The following STRBP variants were observed in gnomAD, a reference collection of about 807,000 sequenced individuals.
STRBP encodes the protein spermatid perinuclear RNA binding protein.
STRBP carries 13 observed loss-of-function variants against 80.1 expected under a neutral mutation model. The ratio of observed to expected loss-of-function variants is 0.16; its 90% CI spans 0.11 to 0.26. STRBP has a LOEUF of 0.26. STRBP is among the 10% of genes least tolerant of loss of function. The pLI, the probability that STRBP is intolerant of heterozygous loss-of-function variation, is 1.00. For missense variants in STRBP, 485 were observed against 815.2 expected (o/e 0.59, Z 4.93); for synonymous variants, 284 against 291.2 (o/e 0.98, Z 0.25).
chr9:123,161,367 T>C (rs2037515588), intron 6 of STRBP, among the ~76,000 whole-genome samples: 1 of 152,232 alleles, frequency 6.6e-6, no homozygotes, highest in African/African-American at 2.4e-5. Flanking sequence ...ATTAAGCATC[T>C]ATAACATTAC....
In STRBP at chr9:123,166,352, A is replaced by C. The variant is rs2037758004; in HGVS notation, c.535+3550T>G. Among the ~76,000 whole-genome samples the C allele has an allele frequency of 2.0e-5, 3 of 152,202 alleles. No homozygotes were observed. In the South Asian group the frequency reaches 6.2e-4, roughly 31 times the overall value. On this transcript the variant is annotated intron_variant, in intron 6 of 18. Coordinates refer to ENST00000348403, the MANE Select transcript of STRBP (RefSeq NM_018387.5). ...AACTACTTTGTGCCAGTTATTGTAC[A>C]AGTCACATTACATAAATTCTCTCAC... is the stretch of plus-strand genomic sequence containing the variant.
chr9:123,137,739 A>G (rs2036421733), intron 14 of STRBP, among the ~76,000 whole-genome samples: 2 of 152,156 alleles, frequency 1.3e-5, no homozygotes, highest in South Asian at 4.1e-4. Flanking sequence ...TATAAACCTA[A>G]TGAAAATCAA....
chr9:123,136,258 C>T lies in STRBP; in HGVS notation c.1633-77G>A, dbSNP rs2036349441. ...CTTTTAATTTAAATAGATTATGACA[C>T]AGAAAACACCAAAAATCAAATAGTG... On this transcript the variant is annotated intron_variant, in intron 15 of 18. Transcript: ENST00000348403. This position sits in a 1 kb window ranked among gnomAD's most constrained non-coding sequence, Gnocchi z 4.2. 1 of 1,595,762 alleles carries T rather than the reference C, an allele frequency of 6.3e-7. No individual in the cohort carries two copies. The highest frequency in any genetic ancestry group is 2.2e-5 in the East Asian group (1 of 44,680).
intron 17 of STRBP, 78 bp downstream of exon 17, chr9:123,132,767 C>A: frequency 1.3e-6 from 2 of 1,574,168 alleles, no homozygotes; most frequent in Middle Eastern, 2.0e-4. Context: ...CCTGTACAAC[C>A]TTAGAAAATG....
intron 6 of STRBP, among the ~76,000 whole-genome samples, chr9:123,166,873 G>A (rs185712323): frequency 8.3e-4 from 127 of 152,274 alleles, no homozygotes; most frequent in African/African-American, 1.5e-3. Flanking sequence ...GTAGTAATGG[G>A]GATATGGTTA....
intron 1 of STRBP, among the ~76,000 whole-genome samples, chr9:123,242,650 A>C (rs979891510): frequency 2.0e-5 from 3 of 151,712 alleles, no homozygotes; most frequent in African/African-American, 7.3e-5. Context: ...ACAGAGTGAG[A>C]CCCTGTCTCA....
intron 2 of STRBP, among the ~76,000 whole-genome samples, chr9:123,232,721 C>T (rs949132909): frequency 6.6e-6 from 1 of 152,138 alleles, no homozygotes; most frequent in Non-Finnish European, 1.5e-5. Context: ...AGTACATCTT[C>T]GAAGAAAAAG....
In STRBP at chr9:123,123,987, T is replaced by C; in HGVS notation, c.*1610A>G. The stretch of plus-strand genomic sequence containing the variant: ...CTATTTCCAGCAAGTGATGAGGTTT[T>C]ATTAAAGTATCACCCACCACTAATA... On this transcript the variant is annotated 3_prime_UTR_variant, in exon 19 of 19. Transcript: ENST00000348403. The C allele has an allele frequency of 9.1e-6, 9 of 985,446 alleles. No individual in the cohort carries two copies. The highest frequency in any genetic ancestry group is 1.1e-5 in the Non-Finnish European group (9 of 829,928). 61.0% of individuals were successfully genotyped at this position (985,446 alleles called of 1,614,324 possible).
chr9:123,156,266 T>G (rs886532959), intron 11 of STRBP, among the ~76,000 whole-genome samples: 2 of 152,166 alleles, frequency 1.3e-5, no homozygotes, highest in Admixed American at 1.3e-4. Flanking sequence ...ATGCTTGATG[T>G]CACATGGGTA....
intron 2 of STRBP, among the ~76,000 whole-genome samples, chr9:123,236,584 G>T (rs1009368309): frequency 3.3e-5 from 5 of 151,448 alleles, no homozygotes; most frequent in African/African-American, 1.2e-4. Flanking sequence ...TTGGACATTG[G>T]TGATATTAGA....
chr9:123,155,987 G>C (rs1272270800), intron 11 of STRBP, among the ~76,000 whole-genome samples: 3 of 151,656 alleles, frequency 2.0e-5, no homozygotes, highest in Admixed American at 6.6e-5. Flanking sequence ...GACAGAACTA[G>C]AACAGGAACA....
At chr9:123,234,370 T>TA (rs749344565) in intron 2 of STRBP, among the ~76,000 whole-genome samples, 1 of 150,268 alleles carries the variant, frequency 6.7e-6, no homozygotes, top group Non-Finnish European at 1.5e-5. Context: ...TTAATACTGT[T>TA]AAGTTTCTCT....
In STRBP at chr9:123,122,473, A is replaced by G; in HGVS notation, c.*3124T>C. The G allele has an allele frequency of 8.3e-7, 1 of 1,200,874 alleles. No homozygotes were observed. The highest frequency in any genetic ancestry group is 1.6e-5 in the South Asian group (1 of 63,430). The allele number at this position is 1,200,874 out of a possible 1,614,324, so 74.4% of individuals were successfully genotyped here. ...AAAAAAAAAAGAAAAGGCCAATACC[A>G]GCAAAATCTCTCAGTGGTTTGTTCC... On this transcript the variant is annotated 3_prime_UTR_variant, in exon 19 of 19. Transcript: ENST00000348403.
chr9:123,141,102 C>A (rs2036573205), intron 13 of STRBP, among the ~76,000 whole-genome samples: 1 of 152,208 alleles, frequency 6.6e-6, no homozygotes, highest in Middle Eastern at 3.2e-3. Context: ...ATAGTAACAA[C>A]TGTACATAAT....
rs758853357 is a variant in STRBP, at chr9:123,136,366, T to C, written c.1632+15A>G. Reference sequence around the variant, plus strand: ...TGAGAAGAAAGATAAGGCTGGCTTGTGTCTGGGTACACACCTCCATTACAA... The same window carrying C: ...TGAGAAGAAAGATAAGGCTGGCTTGCGTCTGGGTACACACCTCCATTACAA... On this transcript the variant is annotated intron_variant, in intron 15 of 18. Transcript: ENST00000348403. This position sits in a 1 kb window ranked among gnomAD's most constrained non-coding sequence, Gnocchi z 4.2. 1.2e-6 allele frequency: 2 copies of C among 1,613,380 alleles called. No individual in the cohort carries two copies. The highest frequency in any genetic ancestry group is 1.7e-6 in the Non-Finnish European group (2 of 1,179,698).
chr9:123,189,239 C>T (rs1169724251), intron 2 of STRBP, among the ~76,000 whole-genome samples: 3 of 136,938 alleles, frequency 2.2e-5, no homozygotes, highest in South Asian at 2.3e-4. Flanking sequence ...TGTTCTCACT[C>T]ATAGGTGGGA....
At chr9:123,234,995 TTG>T (rs1491223851) in intron 2 of STRBP, among the ~76,000 whole-genome samples, 33 of 89,870 alleles carry the variant, frequency 3.7e-4, no homozygotes, top group South Asian at 2.4e-3. Context: ...GGCTTTTTTT[TTG>T]GGGGGGGGGG....
At chr9:123,214,145 TACACACACACACACACACAC>T (rs138090782) in intron 2 of STRBP, among the ~76,000 whole-genome samples, 1 of 141,348 alleles carries the variant, frequency 7.1e-6, no homozygotes, top group Non-Finnish European at 1.5e-5. Context: ...TATATATGTA[TACACACACACACACACACAC>T]ACACACACAC....
At chr9:123,178,517 T>A (rs1334862772) in intron 4 of STRBP, among the ~76,000 whole-genome samples, 1 of 152,224 alleles carries the variant, frequency 6.6e-6, no homozygotes. Flanking sequence ...AAAGAGCAGT[T>A]ATGATATGCA....
Sources: gnomAD v4.1 joint callset for allele counts (sites outside exome capture counted in the v4.1 genomes callset) on GRCh38, gnomAD v4.1.1 for gene constraint, Gnocchi (gnomAD v3.1) non-coding constraint, MANE v1.5 for transcripts, NCBI Gene and HGNC (gene_info 2026-07-23, HGNC 2026-07-21) for gene names.